Variants in SGMS1 observed in about 807,000 individuals in gnomAD.
SGMS1 encodes the protein sphingomyelin synthase 1.
SGMS1 carries 13 observed loss-of-function variants against 46.2 expected under a neutral mutation model. The observed-to-expected ratio is 0.28, with a 90% CI of 0.18 to 0.45. The LOEUF (loss-of-function observed/expected upper bound fraction) is 0.45, where lower values mean the gene tolerates loss of function less well. SGMS1 is among the 20% of genes least tolerant of loss of function. SGMS1 has a pLI of 1.00. For synonymous variants in SGMS1, 203 were observed against 187.8 expected (o/e 1.08, Z -0.66); for missense variants, 324 against 519.9 (o/e 0.62, Z 3.66).
intron 2 of SGMS1, among the ~76,000 whole-genome samples, chr10:50,577,915 C>T (rs543617521): frequency 7.9e-5 from 12 of 152,300 alleles, no homozygotes; most frequent in East Asian, 7.7e-4. Context: ...ATCTAATCAG[C>T]GCCAGGGCCA....
intron 6 of SGMS1, among the ~76,000 whole-genome samples, chr10:50,351,226 AT>A (rs1403612940): frequency 1.3e-5 from 2 of 152,186 alleles, no homozygotes; most frequent in African/African-American, 4.8e-5. Context: ...AATTTCCCCC[AT>A]TTGGAAATGC....
chr10:50,500,747 C>T (rs879757137), intron 3 of SGMS1, among the ~76,000 whole-genome samples: 2 of 152,168 alleles, frequency 1.3e-5, no homozygotes, highest in African/African-American at 2.4e-5. Context: ...CCTTGGCTAA[C>T]GTAAGTCCAT....
chr10:50,500,132 C>T (rs1837649917), intron 3 of SGMS1, among the ~76,000 whole-genome samples: 1 of 152,182 alleles, frequency 6.6e-6, no homozygotes, highest in African/African-American at 2.4e-5. Flanking sequence ...TGCACCACTG[C>T]ACTTCAGCCT....
intron 2 of SGMS1, among the ~76,000 whole-genome samples, chr10:50,528,194 T>C (rs1320467872): frequency 6.6e-6 from 1 of 152,206 alleles, no homozygotes; most frequent in Admixed American, 6.5e-5. Flanking sequence ...TCAATAAGTA[T>C]GAATTATTAG....
chr10:50,523,909 G>GCA (rs1440349418), intron 2 of SGMS1, among the ~76,000 whole-genome samples: 1 of 152,170 alleles, frequency 6.6e-6, no homozygotes, highest in African/African-American at 2.4e-5. Flanking sequence ...GTGCACATGC[G>GCA]CACACACACA....
chr10:50,538,563 G>A (rs1202359242), intron 2 of SGMS1, among the ~76,000 whole-genome samples: 1 of 151,892 alleles, frequency 6.6e-6, no homozygotes, highest in East Asian at 1.9e-4. Flanking sequence ...ACTACTGAAA[G>A]GTATTTAGCA....
intron 6 of SGMS1, among the ~76,000 whole-genome samples, chr10:50,398,114 G>C (rs1202360441): frequency 6.6e-6 from 1 of 152,176 alleles, no homozygotes; most frequent in East Asian, 1.9e-4. Context: ...GTAATAAAGT[G>C]AGGCAGACAA....
chr10:50,543,766 T>C (rs1055729304), intron 2 of SGMS1, among the ~76,000 whole-genome samples: 6 of 152,262 alleles, frequency 3.9e-5, no homozygotes, highest in Non-Finnish European at 7.3e-5. Context: ...ACCATTCTTG[T>C]GAATAAACTT....
rs181975432 is a variant in SGMS1, at chr10:50,494,033, G to A, written c.-498+25798C>T. On this transcript the variant is annotated intron_variant, in intron 3 of 10. Coordinates refer to ENST00000361781, the MANE Select transcript of SGMS1 (RefSeq NM_147156.4). ...AGGCTGGTCTCAAACTCCTGGCCTCGTGATCCACCCGCCTTGGCCTCCCAA... is the reference window on the plus strand; with the variant it reads ...AGGCTGGTCTCAAACTCCTGGCCTCATGATCCACCCGCCTTGGCCTCCCAA... 1.2e-3 allele frequency among the ~76,000 whole-genome samples: 178 copies of A among 152,330 alleles called. 2 individuals carry two copies. The highest frequency in any genetic ancestry group is 4.0e-3 in the African/African-American group (168 of 41,574).
At chr10:50,332,746 C>T (rs1180740326) in intron 7 of SGMS1, among the ~76,000 whole-genome samples, 1 of 151,096 alleles carries the variant, frequency 6.6e-6, no homozygotes, top group Non-Finnish European at 1.5e-5. Context: ...CCTCAGCCTC[C>T]TGAGTATCTG....
intron 3 of SGMS1, among the ~76,000 whole-genome samples, chr10:50,491,804 C>T (rs764662393): frequency 1.8e-4 from 27 of 152,122 alleles, no homozygotes; most frequent in Non-Finnish European, 3.5e-4. Flanking sequence ...GGTACTCCTC[C>T]CAAACTCATT....
chr10:50,320,526 T>C (rs1045814137), intron 8 of SGMS1, among the ~76,000 whole-genome samples: 2 of 152,160 alleles, frequency 1.3e-5, no homozygotes, highest in African/African-American at 4.8e-5. Flanking sequence ...TAAAGACAGA[T>C]GTGATCAAAT....
intron 1 of SGMS1, among the ~76,000 whole-genome samples, chr10:50,600,963 AC>A (rs1266986173): frequency 2.0e-5 from 3 of 152,036 alleles, no homozygotes; most frequent in African/African-American, 7.3e-5. Flanking sequence ...GACAATAAAA[AC>A]CCATGTGTTC....
intron 1 of SGMS1, among the ~76,000 whole-genome samples, chr10:50,604,441 C>CAGCAAACAG (rs1433920290): frequency 6.6e-6 from 1 of 152,240 alleles, no homozygotes; most frequent in Non-Finnish European, 1.5e-5. Context: ...CAGACTCCAA[C>CAGCAAACAG]AGCAAACAGG....
At chr10:50,319,212 T>C (rs1183947235) in intron 8 of SGMS1, among the ~76,000 whole-genome samples, 1 of 151,252 alleles carries the variant, frequency 6.6e-6, no homozygotes, top group African/African-American at 2.4e-5. Context: ...TGAAAAATTA[T>C]AAATGTGAAA....
At position 50,407,519 on chromosome 10, in the gene SGMS1, C is replaced by A. The variant is rs1849031994; in HGVS notation, c.-232+25957G>T. 2.6e-5 allele frequency among the ~76,000 whole-genome samples: 4 copies of A among 152,148 alleles called. No individual in the cohort carries two copies. In the South Asian group the frequency reaches 8.3e-4, roughly 32 times the overall value. Reference sequence around the variant, plus strand: ...CCTTTCTGGTCTCAGCTCCTATCCACCCTGACCTCCAAACGGCCTCCTCCA... The same window carrying A: ...CCTTTCTGGTCTCAGCTCCTATCCAACCTGACCTCCAAACGGCCTCCTCCA... On this transcript the variant is annotated intron_variant, in intron 6 of 10. Coordinates refer to ENST00000361781, the MANE Select transcript of SGMS1 (RefSeq NM_147156.4).
At chr10:50,450,909 A>C (rs920231430) in intron 5 of SGMS1, among the ~76,000 whole-genome samples, 5 of 151,922 alleles carry the variant, frequency 3.3e-5, no homozygotes, top group Non-Finnish European at 7.4e-5. Flanking sequence ...AAATACAAAC[A>C]ACTGTTAAAA....
At chr10:50,612,368 A>G (rs1447050742) in intron 1 of SGMS1, among the ~76,000 whole-genome samples, 1 of 152,256 alleles carries the variant, frequency 6.6e-6, no homozygotes, top group Non-Finnish European at 1.5e-5. Context: ...AAATGCAAAC[A>G]GCTTATTGCT....
chr10:50,387,212 G>A (rs1409394458), intron 6 of SGMS1, among the ~76,000 whole-genome samples: 1 of 152,148 alleles, frequency 6.6e-6, no homozygotes, highest in Non-Finnish European at 1.5e-5. Context: ...TGCCTAAAGG[G>A]GGAAATCCAT....
Sources: allele counts gnomAD v4.1 joint callset (sites outside exome capture counted in the v4.1 genomes callset), GRCh38; gene constraint gnomAD v4.1.1; transcripts MANE v1.5; gene names NCBI Gene and HGNC (gene_info 2026-07-23, HGNC 2026-07-21).